CAMTA1: variants seen among roughly 807,000 people sequenced by gnomAD.
CAMTA1 encodes calmodulin-binding transcription activator 1.
CAMTA1 carries 27 observed loss-of-function variants against 170.9 expected under a neutral mutation model. The observed-to-expected ratio is 0.16, with a 90% confidence interval of 0.12 to 0.22. The LOEUF is 0.22. Ranked by LOEUF, CAMTA1 falls within the 10% of genes least tolerant of loss-of-function variation. CAMTA1 has a pLI of 1.00. For synonymous variants in CAMTA1, 833 were observed against 891.5 expected (o/e 0.93, Z 1.17); for missense variants, 1,619 against 2,217.2 (o/e 0.73, Z 5.42).
intron 6 of CAMTA1, among the ~76,000 whole-genome samples, chr1:7,548,975 A>G (rs1166418168): frequency 1.8e-4 from 21 of 116,984 alleles, no homozygotes; most frequent in Non-Finnish European, 1.3e-4. Flanking sequence ...TGCCCATGGA[A>G]GGTACCCCCT....
intron 5 of CAMTA1, among the ~76,000 whole-genome samples, chr1:7,366,177 G>A (rs1380994683): frequency 6.6e-6 from 1 of 152,220 alleles, no homozygotes; most frequent in Non-Finnish European, 1.5e-5. Context: ...TGTGATTTGG[G>A]GAGTTTTATC....
intron 4 of CAMTA1, among the ~76,000 whole-genome samples, chr1:7,125,815 C>T (rs78528715): frequency 0.01 from 1,533 of 152,302 alleles, 21 homozygotes; most frequent in African/African-American, 0.032. Flanking sequence ...AGTGAAATCA[C>T]GGGACAGAGG....
At chr1:6,902,070 C>CA (rs1234511337) in intron 3 of CAMTA1, among the ~76,000 whole-genome samples, 26 of 74,526 alleles carry the variant, frequency 3.5e-4, no homozygotes, top group South Asian at 1.6e-3. Context: ...CACACACACA[C>CA]ACAAAAAAAA....
At chr1:7,480,674 CT>C (rs2093515975) in intron 6 of CAMTA1, among the ~76,000 whole-genome samples, 1 of 152,170 alleles carries the variant, frequency 6.6e-6, no homozygotes, top group Non-Finnish European at 1.5e-5. Flanking sequence ...TATCTCCCTC[CT>C]TTCTGTTCTT....
At chr1:7,438,004 T>C (rs2092401160) in intron 5 of CAMTA1, among the ~76,000 whole-genome samples, 1 of 152,038 alleles carries the variant, frequency 6.6e-6, no homozygotes, top group Non-Finnish European at 1.5e-5. Flanking sequence ...TGACGGGAAA[T>C]CACAGAGGGC....
At chr1:7,048,293 A>G (rs960165862) in intron 3 of CAMTA1, among the ~76,000 whole-genome samples, 11 of 152,132 alleles carry the variant, frequency 7.2e-5, no homozygotes, top group Non-Finnish European at 1.2e-4. Flanking sequence ...AAAAAAGGGG[A>G]AAAAGAGTCA....
chr1:7,004,379 G>A (rs376293751), intron 3 of CAMTA1, among the ~76,000 whole-genome samples: 2 of 152,324 alleles, frequency 1.3e-5, no homozygotes, highest in South Asian at 4.1e-4. Context: ...TGAAGAGGAG[G>A]CAGCTGCTCT....
At chr1:6,948,653 C>T (rs933552088) in intron 3 of CAMTA1, among the ~76,000 whole-genome samples, 6 of 152,142 alleles carry the variant, frequency 3.9e-5, no homozygotes, top group Non-Finnish European at 8.8e-5. Flanking sequence ...AGACACTATG[C>T]TGGACAGTTG....
At chr1:7,692,345 G>C (rs2149417428) in intron 11 of CAMTA1, among the ~76,000 whole-genome samples, 1 of 152,196 alleles carries the variant, frequency 6.6e-6, no homozygotes, top group East Asian at 1.9e-4. Flanking sequence ...TTTTCTTCCT[G>C]GAGCTGCTCA....
At chr1:7,413,287 G>A (rs2090927911) in intron 5 of CAMTA1, among the ~76,000 whole-genome samples, 1 of 152,092 alleles carries the variant, frequency 6.6e-6, no homozygotes, top group African/African-American at 2.4e-5. Context: ...TTCCAATTCT[G>A]TGAAGAAAGC....
intron 5 of CAMTA1, among the ~76,000 whole-genome samples, chr1:7,317,012 G>A (rs1677623885): frequency 6.6e-6 from 1 of 152,188 alleles, no homozygotes. Flanking sequence ...GGGTGAGGAG[G>A]TGGTGCAGAA....
chr1:7,468,016 T>A, intron 6 of CAMTA1, 115 bp downstream of exon 6: 2 of 830,686 alleles, frequency 2.4e-6, no homozygotes, highest in Non-Finnish European at 4.0e-6. Context: ...AGAGCCCTGG[T>A]GAGCTTGCCT....
intron 2 of CAMTA1, among the ~76,000 whole-genome samples, chr1:6,823,448 C>T (rs1378359557): frequency 6.6e-6 from 1 of 152,034 alleles, no homozygotes; most frequent in Non-Finnish European, 1.5e-5. Context: ...TTCTTGAAAG[C>T]AGTCAGTTTT....
At chr1:6,986,608 C>T (rs990906781) in intron 3 of CAMTA1, among the ~76,000 whole-genome samples, 6 of 152,208 alleles carry the variant, frequency 3.9e-5, no homozygotes, top group African/African-American at 1.4e-4. Context: ...CATGGTTGTA[C>T]CTGCACTGTG....
At chr1:6,931,703 G>A (rs960231064) in intron 3 of CAMTA1, among the ~76,000 whole-genome samples, 2 of 152,170 alleles carry the variant, frequency 1.3e-5, no homozygotes, top group African/African-American at 4.8e-5. Context: ...CTGCCTCGCT[G>A]TGCACACATA....
chr1:7,569,650 A>G (rs2095101270), intron 6 of CAMTA1, among the ~76,000 whole-genome samples: 1 of 149,472 alleles, frequency 6.7e-6, no homozygotes, highest in Non-Finnish European at 1.5e-5. Context: ...CACTATCACC[A>G]TCATCATATT....
Position 6,887,713 on chromosome 1 carries a change from C to T in CAMTA1, c.234+62503C>T. On this transcript the variant is annotated intron_variant, in intron 3 of 22. Coordinates refer to ENST00000303635, the MANE Select transcript of CAMTA1 (RefSeq NM_015215.4). The surrounding 1 kb of genome is among the most constrained non-coding windows in gnomAD (Gnocchi z 4.1). Reference sequence around the variant, plus strand: ...AGAAGAGGGATCCACAGAGCTGGAGCCATGAGGGCTGACACATTGGAATGA... The same window carrying T: ...AGAAGAGGGATCCACAGAGCTGGAGTCATGAGGGCTGACACATTGGAATGA... The T allele has an allele frequency of 6.5e-7, 1 of 1,535,328 alleles. No homozygotes were observed. Among genetic ancestry groups the T allele is most frequent in the Non-Finnish European group, 8.7e-7 (1 of 1,146,640 alleles).
chr1:6,809,047 A>ATTTTT, intron 1 of CAMTA1, among the ~76,000 whole-genome samples: 1 of 142,154 alleles, frequency 7.0e-6, no homozygotes, highest in Non-Finnish European at 1.5e-5. Flanking sequence ...TTTTTTTGAG[A>ATTTTT]TGGAGTTTCA....
At chr1:7,387,183 C>T (rs911681011) in intron 5 of CAMTA1, among the ~76,000 whole-genome samples, 2 of 152,066 alleles carry the variant, frequency 1.3e-5, no homozygotes, top group Non-Finnish European at 2.9e-5. Context: ...CCAGACTGGG[C>T]TCCTTCCCTT....
Sources: allele counts gnomAD v4.1 joint callset (sites outside exome capture counted in the v4.1 genomes callset), GRCh38; gene constraint gnomAD v4.1.1; non-coding constraint Gnocchi (gnomAD v3.1); transcripts MANE v1.5; gene names NCBI Gene and HGNC (gene_info 2026-07-23, HGNC 2026-07-21).